The following TMOD3 variants were observed in gnomAD, a reference collection of about 807,000 sequenced individuals.
TMOD3 encodes the protein tropomodulin 3, also known as tropomodulin-3.
Under a neutral mutation model 39.2 loss-of-function variants are expected in TMOD3, and 20 were observed. The observed-to-expected ratio is 0.51, with a 90% confidence interval of 0.36 to 0.74. The LOEUF (loss-of-function observed/expected upper bound fraction) is 0.74, where lower values mean the gene tolerates loss of function less well. Ranked by LOEUF, TMOD3 falls within the 30% of genes least tolerant of loss-of-function variation. The pLI, the probability that TMOD3 is intolerant of heterozygous loss-of-function variation, is 0.00. For missense variants in TMOD3, 381 were observed against 412.8 expected (o/e 0.92, Z 0.67); for synonymous variants, 143 against 145.8 (o/e 0.98, Z 0.14).
intron 5 of TMOD3, among the ~76,000 whole-genome samples, chr15:51,890,053 G>A (rs866510217): frequency 1.2e-4 from 18 of 151,946 alleles, no homozygotes; most frequent in African/African-American, 4.1e-4. Context: ...TCCAGGCTTT[G>A]CACTGTTTAT....
intron 1 of TMOD3, among the ~76,000 whole-genome samples, chr15:51,862,467 A>G (rs191465297): frequency 2.6e-4 from 40 of 152,286 alleles, no homozygotes; most frequent in African/African-American, 9.4e-4. Flanking sequence ...GAAGCAAAGT[A>G]CTCTGGTAAA....
chr15:51,879,649 G>C (rs1033772900), intron 3 of TMOD3, among the ~76,000 whole-genome samples: 1 of 151,496 alleles, frequency 6.6e-6, no homozygotes, highest in Non-Finnish European at 1.5e-5. Context: ...CATCTTTTAG[G>C]GACTGATATT....
chr15:51,874,710 C>A (rs976853174), intron 3 of TMOD3, among the ~76,000 whole-genome samples: 6 of 152,122 alleles, frequency 3.9e-5, no homozygotes, highest in South Asian at 2.1e-4. Context: ...GCTGGGGACT[C>A]CTCCTCTCTA....
intron 1 of TMOD3, among the ~76,000 whole-genome samples, chr15:51,843,439 C>A (rs1258213631): frequency 6.6e-6 from 1 of 152,060 alleles, no homozygotes; most frequent in Admixed American, 6.5e-5. Context: ...AAACACCTAA[C>A]AAGAAACATT....
rs2056729493 is a variant in TMOD3 at position 51,915,657 on chromosome 15, A to G, written c.*6847A>G. On this transcript the variant is annotated 3_prime_UTR_variant, in exon 10 of 10. Transcript: ENST00000308580. ...TTTCTTTTGAAGACTATGTACTGGAAGCATTTAGAACTTACCAATATATAC... is the reference window on the plus strand; with the variant it reads ...TTTCTTTTGAAGACTATGTACTGGAGGCATTTAGAACTTACCAATATATAC... The G allele has an allele frequency of 6.6e-6, 1 of 152,240 alleles. No individual in the cohort carries two copies. The highest frequency in any genetic ancestry group is 1.5e-5 in the Non-Finnish European group (1 of 68,048). The allele number at this position is 152,240 out of a possible 1,614,324, so 9.4% of individuals were successfully genotyped here.
chr15:51,830,549 C>A (rs561883396), intron 1 of TMOD3, among the ~76,000 whole-genome samples: 14 of 152,250 alleles, frequency 9.2e-5, no homozygotes, highest in Non-Finnish European at 1.9e-4. Flanking sequence ...AGTTAAGAAT[C>A]GCATTTCCAA....
intron 1 of TMOD3, chr15:51,833,161 G>A (rs1402123728): frequency 6.6e-6 from 1 of 152,132 alleles, no homozygotes; most frequent in Non-Finnish European, 1.5e-5. Context: ...TTAATTTGGT[G>A]TTTATAAAAA....
chr15:51,859,338 A>T, intron 1 of TMOD3: 1 of 713,552 alleles, frequency 1.4e-6, no homozygotes, highest in South Asian at 1.4e-5. Flanking sequence ...ATCCACCCAA[A>T]GATCAGAATC....
chr15:51,843,267 A>G (rs1391255167), intron 1 of TMOD3, among the ~76,000 whole-genome samples: 1 of 152,210 alleles, frequency 6.6e-6, no homozygotes, highest in Non-Finnish European at 1.5e-5. Flanking sequence ...GAAGAGTGAC[A>G]TCATTGTGGG....
intron 7 of TMOD3, among the ~76,000 whole-genome samples, chr15:51,897,376 G>C (rs1381318969): frequency 6.6e-6 from 1 of 151,288 alleles, no homozygotes; most frequent in South Asian, 2.1e-4. Context: ...TTACATGTAA[G>C]TCCTCAAACT....
In TMOD3 at chr15:51,841,523, G is replaced by A. The variant is rs1217166418; in HGVS notation, c.-75+11687G>A. ...AAATGTCCTTTAGCCCCCTTCTAAA[G>A]AACCTATCCCAAAGCAGACCTTATG... On this transcript the variant is annotated intron_variant, in intron 1 of 9. Transcript: ENST00000308580. Among the ~76,000 whole-genome samples the A allele has an allele frequency of 2.0e-5, 3 of 152,084 alleles. No homozygotes were observed. The East Asian group carries it at 5.8e-4, about 29-fold the overall frequency.
At chr15:51,894,038 C>T in intron 6 of TMOD3, 93 bp downstream of exon 6, 1 of 1,198,732 alleles carries the variant, frequency 8.3e-7, no homozygotes. Context: ...CTAATTCTTT[C>T]TACTTTAACG....
intron 1 of TMOD3, among the ~76,000 whole-genome samples, chr15:51,831,164 C>G (rs762648328): frequency 6.6e-6 from 1 of 152,170 alleles, no homozygotes; most frequent in Admixed American, 6.5e-5. Flanking sequence ...TGAGAAAGAG[C>G]AAACATGAGT....
At chr15:51,838,011 G>T (rs1349289569) in intron 1 of TMOD3, among the ~76,000 whole-genome samples, 2 of 152,160 alleles carry the variant, frequency 1.3e-5, no homozygotes, top group Non-Finnish European at 2.9e-5. Context: ...GAGTGCAAAA[G>T]GACATTTCCT....
intron 3 of TMOD3, among the ~76,000 whole-genome samples, chr15:51,879,847 CTCTG>C (rs989239902): frequency 2.2e-5 from 3 of 135,262 alleles, no homozygotes; most frequent in Non-Finnish European, 3.1e-5. Flanking sequence ...CTTTCTCTCT[CTCTG>C]TCTTTCACAC....
At chr15:51,896,652 T>G (rs2056622474) in intron 7 of TMOD3, 126 bp downstream of exon 7, 1 of 579,920 alleles carries the variant, frequency 1.7e-6, no homozygotes, top group Non-Finnish European at 2.9e-6. Flanking sequence ...AGGCAGTATA[T>G]TACTTACCAG....
intron 1 of TMOD3, among the ~76,000 whole-genome samples, chr15:51,840,716 T>C (rs928386800): frequency 1.3e-5 from 2 of 152,218 alleles, no homozygotes; most frequent in Admixed American, 6.5e-5. Context: ...GTGGGAAATA[T>C]CGACTTTAGA....
chr15:51,869,429 A>G, intron 3 of TMOD3, 56 bp downstream of exon 3: 1 of 1,546,122 alleles, frequency 6.5e-7, no homozygotes, highest in Non-Finnish European at 8.8e-7. Flanking sequence ...TTCTTTTTAT[A>G]GGTGGGTGTG....
intron 3 of TMOD3, among the ~76,000 whole-genome samples, chr15:51,872,043 G>A (rs1447434099): frequency 6.6e-6 from 1 of 152,070 alleles, no homozygotes; most frequent in Non-Finnish European, 1.5e-5. Context: ...CAGGTCATCT[G>A]TATGTAGCTC....
Sources: gnomAD v4.1 joint callset for allele counts (sites outside exome capture counted in the v4.1 genomes callset) on GRCh38, gnomAD v4.1.1 for gene constraint, MANE v1.5 for transcripts, NCBI Gene and HGNC (gene_info 2026-07-23, HGNC 2026-07-21) for gene names.